The following SSPN variants were observed in gnomAD, a reference collection of about 807,000 sequenced individuals.
SSPN encodes K-ras oncogene-associated protein.
Under a neutral mutation model 19.1 loss-of-function variants are expected in SSPN, and 15 were observed. The ratio of observed to expected loss-of-function variants is 0.78; its 90% CI spans 0.52 to 1.21. The LOEUF is 1.21. Ranked by LOEUF, SSPN falls within the 50% of genes most tolerant of loss-of-function variation. SSPN has a pLI of 0.00. For synonymous variants in SSPN, 147 were observed against 140.3 expected (o/e 1.05, Z -0.34); for missense variants, 291 against 314.0 (o/e 0.93, Z 0.55).
chr12:26,204,118 T>A (rs2137468910), intron 1 of SSPN, among the ~76,000 whole-genome samples: 1 of 152,296 alleles, frequency 6.6e-6, no homozygotes, highest in African/African-American at 2.4e-5. Flanking sequence ...CACAGCAACC[T>A]CAGTGACTCT....
At chr12:26,198,834 A>T (rs1055109506) in intron 1 of SSPN, among the ~76,000 whole-genome samples, 3 of 152,068 alleles carry the variant, frequency 2.0e-5, no homozygotes, top group African/African-American at 7.2e-5. Flanking sequence ...TTCCTTTGGG[A>T]TATGCAGTGA....
upstream of SSPN, among the ~76,000 whole-genome samples, chr12:26,190,804 A>G (rs1199481383): frequency 2.6e-5 from 4 of 152,212 alleles, no homozygotes; most frequent in Admixed American, 6.5e-5. Flanking sequence ...AATAACATGC[A>G]CAGATCATAA....
chr12:26,134,031 C>T (rs1230203905), intron 1 of SSPN, among the ~76,000 whole-genome samples: 3 of 152,178 alleles, frequency 2.0e-5, no homozygotes, highest in African/African-American at 7.2e-5. Context: ...GATCAAAACT[C>T]TTTAATAGCT....
intron 1 of SSPN, among the ~76,000 whole-genome samples, chr12:26,154,820 T>C (rs1055163009): frequency 6.6e-6 from 1 of 152,132 alleles, no homozygotes; most frequent in African/African-American, 2.4e-5. Flanking sequence ...CAGAGTAGAA[T>C]TGGGCCCAGT....
At chr12:26,194,017 T>TGG (rs1371235751), upstream of SSPN, among the ~76,000 whole-genome samples, 2 of 152,230 alleles carry the variant, frequency 1.3e-5, no homozygotes, top group Admixed American at 1.3e-4. Context: ...TTCTTTAAAT[T>TGG]TTCCAATAGC....
intron 1 of SSPN, among the ~76,000 whole-genome samples, chr12:26,203,552 G>A (rs1944904845): frequency 6.6e-6 from 1 of 152,222 alleles, no homozygotes; most frequent in Non-Finnish European, 1.5e-5. Context: ...TCAGATCTCT[G>A]TGTATTGAGA....
intron 1 of SSPN, among the ~76,000 whole-genome samples, chr12:26,155,301 G>A (rs1019337882): frequency 1.3e-5 from 2 of 152,182 alleles, no homozygotes; most frequent in African/African-American, 4.8e-5. Context: ...ATGAGAGGGT[G>A]AAAATTAAAG....
chr12:26,205,866 G>A (rs917462476), intron 1 of SSPN, among the ~76,000 whole-genome samples: 10 of 152,176 alleles, frequency 6.6e-5, no homozygotes, highest in African/African-American at 2.4e-4. Context: ...TGGTAGTCAG[G>A]TTCTGAAACA....
At chr12:26,165,216 G>A (rs1944613135) in intron 1 of SSPN, among the ~76,000 whole-genome samples, 3 of 152,190 alleles carry the variant, frequency 2.0e-5, no homozygotes, top group African/African-American at 7.2e-5. Flanking sequence ...CAGATGATAT[G>A]AGCCACATGC....
intron 1 of SSPN, among the ~76,000 whole-genome samples, chr12:26,169,700 G>T (rs1308587327): frequency 6.6e-6 from 1 of 152,114 alleles, no homozygotes; most frequent in Non-Finnish European, 1.5e-5. Context: ...GAAGGAGTAG[G>T]TCTAAGCCTG....
At chr12:26,129,248 C>G (rs2620695) in intron 1 of SSPN, among the ~76,000 whole-genome samples, 149,218 of 152,296 alleles carry the variant, frequency 0.98, 73,163 homozygotes, top group East Asian at 1. Context: ...CTCTGTTTTA[C>G]AGAGCGGACA....
intron 1 of SSPN, among the ~76,000 whole-genome samples, chr12:26,202,921 G>C (rs1480030): frequency 0.74 from 112,528 of 152,106 alleles, 42,202 homozygotes; most frequent in African/African-American, 0.81. Context: ...TTAATTGACT[G>C]ACAATTCCAC....
chr12:26,161,107 C>CAAAA (rs35876807), intron 1 of SSPN, among the ~76,000 whole-genome samples: 3 of 97,894 alleles, frequency 3.1e-5, no homozygotes, highest in South Asian at 3.7e-4. Flanking sequence ...GACTCTGTCT[C>CAAAA]AAAAAAAAAA....
chr12:26,158,791 C>T (rs534518386), intron 1 of SSPN, among the ~76,000 whole-genome samples: 1 of 152,334 alleles, frequency 6.6e-6, no homozygotes, highest in South Asian at 2.1e-4. Flanking sequence ...TCCTTTAAAG[C>T]AAGGTGTTGT....
At chr12:26,122,816 C>G in intron 1 of SSPN, 1 of 1,589,970 alleles carries the variant, frequency 6.3e-7, no homozygotes, top group Non-Finnish European at 8.5e-7. Context: ...CCGTGTCGTT[C>G]TCGGCGGCGA....
At chr12:26,215,141 G>C (rs555644662) in intron 1 of SSPN, among the ~76,000 whole-genome samples, 2 of 152,104 alleles carry the variant, frequency 1.3e-5, no homozygotes, top group Non-Finnish European at 2.9e-5. Context: ...TTATACTCCC[G>C]GTCCCTACCA....
chr12:26,208,435 G>A (rs1208610505), intron 1 of SSPN, among the ~76,000 whole-genome samples: 1 of 151,926 alleles, frequency 6.6e-6, no homozygotes, highest in African/African-American at 2.4e-5. Context: ...TATTTTCTAT[G>A]GGTTGTTCGT....
chr12:26,140,115 C>G (rs1944450274), intron 1 of SSPN, among the ~76,000 whole-genome samples: 1 of 152,176 alleles, frequency 6.6e-6, no homozygotes, highest in Non-Finnish European at 1.5e-5. Flanking sequence ...AACTTCCTAC[C>G]TGATAACTCC....
At chr12:26,227,816 C>G (rs915329462) in intron 2 of SSPN, among the ~76,000 whole-genome samples, 10 of 152,160 alleles carry the variant, frequency 6.6e-5, no homozygotes, top group African/African-American at 2.4e-4. Flanking sequence ...TGAATTTGCC[C>G]AGGGACCATG....
Sources: allele counts gnomAD v4.1 joint callset (sites outside exome capture counted in the v4.1 genomes callset), GRCh38; gene constraint gnomAD v4.1.1; transcripts MANE v1.5; gene names NCBI Gene and HGNC (gene_info 2026-07-23, HGNC 2026-07-21).